The following PCSK5 variants were observed in gnomAD, a reference collection of about 807,000 sequenced individuals.
PCSK5 encodes the protein prohormone convertase 5.
A neutral mutation model predicts 233.2 loss-of-function variants in PCSK5; 129 were observed. That is an observed-to-expected ratio of 0.55 (90% CI 0.48 to 0.64). The LOEUF (loss-of-function observed/expected upper bound fraction) is 0.64. Ranked by LOEUF, PCSK5 falls within the 30% of genes least tolerant of loss-of-function variation. The pLI, the probability that PCSK5 is intolerant of heterozygous loss-of-function variation, is 0.00. For synonymous variants in PCSK5, 825 were observed against 879.2 expected, an observed-to-expected ratio of 0.94 and a Z score of 1.09; for missense variants, 2,076 against 2,430.1, an observed-to-expected ratio of 0.85 and a Z score of 3.06.
intron 24 of PCSK5, among the ~76,000 whole-genome samples, chr9:76,246,367 A>C (rs1009386308): frequency 1.4e-5 from 2 of 143,082 alleles, no homozygotes; most frequent in African/African-American, 5.1e-5. Flanking sequence ...AAAAAAAAAA[A>C]CTACCGTGAG....
intron 5 of PCSK5, among the ~76,000 whole-genome samples, chr9:76,059,782 A>G (rs1482484039): frequency 6.6e-6 from 1 of 152,148 alleles, no homozygotes; most frequent in Non-Finnish European, 1.5e-5. Context: ...AATTCTAAAA[A>G]ATTATAAATG....
chr9:75,892,467 A>G (rs1443958904), intron 1 of PCSK5, among the ~76,000 whole-genome samples: 1 of 152,174 alleles, frequency 6.6e-6, no homozygotes, highest in Non-Finnish European at 1.5e-5. Context: ...GGCTCAGGCG[A>G]GAATCCGCTG....
At chr9:76,328,458 C>G (rs928926682) in intron 33 of PCSK5, among the ~76,000 whole-genome samples, 3 of 152,174 alleles carry the variant, frequency 2.0e-5, no homozygotes, top group Non-Finnish European at 4.4e-5. Flanking sequence ...ATCTTCTACA[C>G]CATTTGCTTT....
intron 2 of PCSK5, among the ~76,000 whole-genome samples, chr9:75,978,842 A>C (rs1220203562): frequency 6.7e-6 from 1 of 148,324 alleles, no homozygotes; most frequent in Non-Finnish European, 1.5e-5. Flanking sequence ...CACTAAGTTG[A>C]ATTTTAGGCT....
chr9:75,944,975 G>C (rs1824495154), intron 2 of PCSK5, among the ~76,000 whole-genome samples: 1 of 151,932 alleles, frequency 6.6e-6, no homozygotes, highest in Non-Finnish European at 1.5e-5. Flanking sequence ...CGGGTGTAGT[G>C]GTGCATGCCT....
At chr9:76,194,005 C>T (rs1824559772) in intron 20 of PCSK5, 1 of 152,420 alleles carries the variant, frequency 6.6e-6, no homozygotes. Context: ...GATAAGTCTG[C>T]TCCACTGGTT....
At chr9:75,951,844 G>A (rs1824873231) in intron 2 of PCSK5, among the ~76,000 whole-genome samples, 1 of 152,102 alleles carries the variant, frequency 6.6e-6, no homozygotes, top group Admixed American at 6.6e-5. Context: ...ATCTAGAGAT[G>A]GCTAAAAGTA....
intron 37 of PCSK5, 136 bp from the exon 38 acceptor site, chr9:76,358,377 A>T: frequency 1.5e-6 from 1 of 668,422 alleles, no homozygotes; most frequent in Non-Finnish European, 2.5e-6. Context: ...AACAGAGGAA[A>T]ATCAGAGACA....
At position 76,175,149 on chromosome 9, in the gene PCSK5, G is replaced by C. The variant is rs764208260; in HGVS notation, c.1900+20G>C. On this transcript the variant is annotated intron_variant, in intron 14 of 37. Coordinates refer to ENST00000674117, the MANE Select transcript of PCSK5 (RefSeq NM_001372043.1). ...ATGCAGGTGAGCTGGCTTCCAGTGGGACACAGGCTAAAAAGAGGCAGCTCA... is the reference window on the plus strand; with the variant it reads ...ATGCAGGTGAGCTGGCTTCCAGTGGCACACAGGCTAAAAAGAGGCAGCTCA... 6.2e-7 allele frequency: 1 copy of C among 1,610,466 alleles called. No homozygotes were observed. The highest frequency in any genetic ancestry group is 1.1e-5 in the South Asian group (1 of 90,870).
Position 75,908,939 on chromosome 9 carries a change from CTGTCTA to C in PCSK5, c.192+17568_192+17573del, listed in dbSNP as rs1822571681. The stretch of plus-strand genomic sequence containing the variant: ...TCTATCTATCTCTCTATCTCTCTCT[CTGTCTA>C]TCTATCTATCTATCTATCTATCTAT... On this transcript the variant is annotated intron_variant, in intron 1 of 37. Coordinates refer to ENST00000674117, the MANE Select transcript of PCSK5 (RefSeq NM_001372043.1). Among the ~76,000 whole-genome samples the C allele has an allele frequency of 7.8e-5, 9 of 115,920 alleles. No individual in the cohort carries two copies. The South Asian group carries it at 8.3e-4, about 11-fold the overall frequency. The allele number at this position is 115,920 out of a possible 152,430, so 76.0% of individuals were successfully genotyped here. A position where few individuals can be genotyped will look rare whatever the true frequency, so the allele number is the denominator to read the frequency against.
chr9:76,333,192 A>G lies in PCSK5; in HGVS notation c.4748+582A>G, dbSNP rs138395115. On this transcript the variant is annotated intron_variant, in intron 34 of 37. Transcript: ENST00000674117. ...GACCTTGTTTCTAAAAATTAAAACA[A>G]TTTGGCAAAGGGTCTCAGCAATCAC... Among the ~76,000 whole-genome samples, 16 of 152,292 alleles carry G rather than the reference A, an allele frequency of 1.1e-4. No homozygotes were observed. The East Asian group carries it at 2.9e-3, about 28-fold the overall frequency.
chr9:75,962,881 A>G (rs765601627), intron 2 of PCSK5, among the ~76,000 whole-genome samples: 5 of 152,198 alleles, frequency 3.3e-5, no homozygotes, highest in Admixed American at 2.0e-4. Flanking sequence ...CTCTTGCTTC[A>G]TAAGACACTG....
rs868518602 is a variant in PCSK5, at chr9:76,064,117, G to A, written c.633-3838G>A. 6.4e-3 allele frequency among the ~76,000 whole-genome samples: 768 copies of A among 120,758 alleles called. 9 individuals are homozygous for A. The highest frequency in any genetic ancestry group is 0.027 in the African/African-American group (711 of 26,294). 79.2% of individuals were successfully genotyped at this position (120,758 alleles called of 152,430 possible). A position where few individuals can be genotyped will look rare whatever the true frequency, so the allele number is the denominator to read the frequency against. ...GCGCCCCTCACCTCCCAGACGGGGCGGCTGGCTGGGCGGAGGGCTGACCCC... is the reference window on the plus strand; with the variant it reads ...GCGCCCCTCACCTCCCAGACGGGGCAGCTGGCTGGGCGGAGGGCTGACCCC... On this transcript the variant is annotated intron_variant, in intron 5 of 37. Coordinates refer to ENST00000674117, the MANE Select transcript of PCSK5 (RefSeq NM_001372043.1).
At chr9:75,920,051 C>A (rs1203826500) in intron 1 of PCSK5, among the ~76,000 whole-genome samples, 1 of 152,154 alleles carries the variant, frequency 6.6e-6, no homozygotes, top group African/African-American at 2.4e-5. Flanking sequence ...TGCCTGTAAT[C>A]CCAACTACTT....
At chr9:76,174,326 A>G (rs1464953059) in intron 13 of PCSK5, among the ~76,000 whole-genome samples, 4 of 147,560 alleles carry the variant, frequency 2.7e-5, no homozygotes, top group Non-Finnish European at 6.0e-5. Context: ...TTTTTTTTTG[A>G]GATGGAGTGT....
intron 3 of PCSK5, among the ~76,000 whole-genome samples, chr9:75,993,860 T>A (rs982660070): frequency 1.3e-5 from 2 of 152,220 alleles, no homozygotes; most frequent in African/African-American, 4.8e-5. Flanking sequence ...GGAAGCTCAT[T>A]AGAGACTCAG....
At chr9:75,895,186 T>G (rs1379560597) in intron 1 of PCSK5, among the ~76,000 whole-genome samples, 5 of 152,188 alleles carry the variant, frequency 3.3e-5, no homozygotes, top group Non-Finnish European at 7.3e-5. Context: ...ACTTGGAAAC[T>G]CTGGAGAGGC....
chr9:76,158,313 C>T (rs1302625922), intron 11 of PCSK5, among the ~76,000 whole-genome samples: 2 of 152,090 alleles, frequency 1.3e-5, no homozygotes, highest in African/African-American at 4.8e-5. Flanking sequence ...GAAGCGTTAG[C>T]CGTAGGGACA....
chr9:75,924,348 A>T (rs887471380), intron 1 of PCSK5, among the ~76,000 whole-genome samples: 1 of 152,110 alleles, frequency 6.6e-6, no homozygotes, highest in South Asian at 2.1e-4. Flanking sequence ...TTGACTTGAA[A>T]CTAAAGTCTA....
Sources: allele counts gnomAD v4.1 joint callset (sites outside exome capture counted in the v4.1 genomes callset), GRCh38; gene constraint gnomAD v4.1.1; transcripts MANE v1.5; gene names NCBI Gene and HGNC (gene_info 2026-07-23, HGNC 2026-07-21).